Variants in NFX1 observed in about 807,000 individuals in gnomAD.
NFX1 encodes the protein transcriptional repressor NF-X1.
NFX1 carries 69 observed loss-of-function variants against 137.2 expected under a neutral mutation model. That is an observed-to-expected ratio of 0.50 (90% CI 0.41 to 0.61). The LOEUF (loss-of-function observed/expected upper bound fraction) is 0.61. Among genes scored for constraint, NFX1 ranks in the 20% least tolerant of loss-of-function variants. The pLI is 0.00. For synonymous variants in NFX1, 495 were observed against 474.1 expected (o/e 1.04, Z -0.57); for missense variants, 1,167 against 1,391.0 (o/e 0.84, Z 2.56).
Position 33,369,946 on chromosome 9 carries a change from C to G in NFX1, c.3331C>G (p.Pro1111Ala). ...SSNLQKITKE[P>A]IIDYFDVQD is the part of the protein sequence containing the mutation. ...TAATTTACAGAAAATAACCAAGGAG[C>G]CAATAATTGACTATTTTGACGTCCA... The change falls in exon 24 of 24, where the codon CCA (proline) becomes GCA (alanine). Residue 1111 changes from proline to alanine, a missense_variant. Coordinates refer to ENST00000379540, the MANE Select transcript of NFX1 (RefSeq NM_002504.6). 6.2e-7 allele frequency: 1 copy of G among 1,613,332 alleles called. No individual in the cohort carries two copies. The highest frequency in any genetic ancestry group is 8.5e-7 in the Non-Finnish European group (1 of 1,179,454).
chr9:33,295,310 T>A lies in NFX1; in HGVS notation c.916T>A (p.Ser306Thr), dbSNP rs1821314537. The A allele has an allele frequency of 6.2e-7, 1 of 1,614,084 alleles. No homozygotes were observed. Among genetic ancestry groups the A allele is most frequent in the Non-Finnish European group, 8.5e-7 (1 of 1,180,018 alleles). Reference protein sequence around the residue: ...DSENLAVINKSSRRVDQEKCT... With the variant: ...DSENLAVINKTSRRVDQEKCT... ...TGAGAACTTGGCAGTCATCAACAAG[T>A]CTTCCAGGAGGGTTGACCAAGAGAA... Residue 306 changes from serine (S) to threonine (T), a missense_variant, in exon 2 of 24, where the codon TCT (serine) becomes ACT (threonine). Ser to Thr is a moderately conservative substitution (Grantham distance 58). This residue lies in a region of NFX1 where 367 missense variants were observed against 386.7 expected (regional missense o/e 0.95). Coordinates refer to ENST00000379540, the MANE Select transcript of NFX1 (RefSeq NM_002504.6).
chr9:33,317,440 G>GAAAGA (rs780936274), intron 7 of NFX1, among the ~76,000 whole-genome samples: 9 of 128,360 alleles, frequency 7.0e-5, no homozygotes, highest in South Asian at 4.9e-4. Flanking sequence ...AAAAAAGAAA[G>GAAAGA]AAAGAAAAGA....
intron 9 of NFX1, among the ~76,000 whole-genome samples, chr9:33,324,644 T>G (rs1386735532): frequency 6.6e-6 from 1 of 151,908 alleles, no homozygotes; most frequent in Admixed American, 6.6e-5. Context: ...TGAAAGAGAT[T>G]TGGTCAGGCA....
chr9:33,364,525 A>G (rs971336302), intron 20 of NFX1, among the ~76,000 whole-genome samples, 183 bp from the exon 21 acceptor site: 1 of 151,850 alleles, frequency 6.6e-6, no homozygotes, highest in African/African-American at 2.4e-5. Context: ...TCATCTTCTC[A>G]TTTCTTATAT....
intron 19 of NFX1, among the ~76,000 whole-genome samples, chr9:33,362,410 C>T (rs1001556511): frequency 2.0e-5 from 3 of 151,908 alleles, no homozygotes; most frequent in African/African-American, 7.3e-5. Flanking sequence ...GGTATATATA[C>T]AGAATGAAAT....
chr9:33,346,206 G>C (rs10971474), intron 14 of NFX1, among the ~76,000 whole-genome samples: 7,081 of 152,212 alleles, frequency 0.047, 481 homozygotes, highest in African/African-American at 0.15. Context: ...AGTCCCCACC[G>C]ATTGCCTCCT....
rs77577339 is a variant in NFX1, at chr9:33,304,240, C to T, written c.1270+972C>T. 5.8e-3 allele frequency among the ~76,000 whole-genome samples: 884 copies of T among 152,126 alleles called. 9 individuals carry two copies. The highest frequency in any genetic ancestry group is 0.017 in the African/African-American group (718 of 41,476). On this transcript the variant is annotated intron_variant, in intron 4 of 23. Transcript: ENST00000379540. ...TCATGCCATTGCACTCCAGCCTGGG[C>T]GACAGAGTGAGACTCCATCTCAAAA...
At chr9:33,353,012 G>T in intron 17 of NFX1, 1 of 309,510 alleles carries the variant, frequency 3.2e-6, no homozygotes, top group Non-Finnish European at 6.0e-6. Context: ...CAAAGTGCTG[G>T]GATCACAGGC....
intron 10 of NFX1, among the ~76,000 whole-genome samples, chr9:33,330,436 T>C (rs1297449651): frequency 6.6e-6 from 1 of 152,210 alleles, no homozygotes; most frequent in Non-Finnish European, 1.5e-5. Context: ...ATGGGTTTTT[T>C]CCTGAAAGAA....
chr9:33,368,091 C>T (rs1307759073), intron 23 of NFX1, among the ~76,000 whole-genome samples: 7 of 152,208 alleles, frequency 4.6e-5, no homozygotes, highest in East Asian at 1.9e-4. Flanking sequence ...AAAAAGTAGC[C>T]GGGTGTGGTG....
chr9:33,292,574 G>A (rs1468990393), intron 1 of NFX1, among the ~76,000 whole-genome samples: 1 of 152,170 alleles, frequency 6.6e-6, no homozygotes, highest in African/African-American at 2.4e-5. Flanking sequence ...AATAAAAATG[G>A]TGCCTCTGAT....
intron 18 of NFX1, 34 bp from the exon 19 acceptor site, chr9:33,354,815 ATT>A (rs764434349): frequency 6.3e-7 from 1 of 1,598,840 alleles, no homozygotes; most frequent in Admixed American, 1.7e-5. Context: ...TACAGTCTGT[ATT>A]CTGACTTTAA....
chr9:33,346,394 G>A (rs1564138128), intron 14 of NFX1, among the ~76,000 whole-genome samples: 1 of 152,218 alleles, frequency 6.6e-6, no homozygotes, highest in Non-Finnish European at 1.5e-5. Context: ...CAGAGGAAGA[G>A]AAAAATACCC....
In NFX1 at chr9:33,351,760, A is replaced by G. The variant is rs966254284; in HGVS notation, c.2625A>G (p.Ser875=). 1.9e-6 allele frequency: 3 copies of G among 1,600,090 alleles called. No homozygotes were observed. The South Asian group carries it at 3.4e-5, about 18-fold the overall frequency. ...HPCMAPCHTS[S]PCPVTACKAK... is the part of the protein sequence containing the mutation. ...GTATGGCACCCTGCCATACCAGCTC[A>G]CCCTGCCCTGTGACTGCTTGTAAAG... The change falls in exon 16 of 24, where the codon TCA becomes TCG. Residue 875 remains serine (S), a synonymous_variant. Coordinates refer to ENST00000379540, the MANE Select transcript of NFX1 (RefSeq NM_002504.6).
At chr9:33,344,844 G>A (rs1056140083) in intron 14 of NFX1, among the ~76,000 whole-genome samples, 2 of 146,822 alleles carry the variant, frequency 1.4e-5, no homozygotes, top group East Asian at 2.1e-4. Flanking sequence ...CCAGCCTGGC[G>A]ACAGACCAAG....
chr9:33,342,310 A>G (rs1470296513), intron 12 of NFX1, among the ~76,000 whole-genome samples: 1 of 151,766 alleles, frequency 6.6e-6, no homozygotes, highest in African/African-American at 2.4e-5. Flanking sequence ...AAATACAAAA[A>G]AATTAGCCAG....
intron 20 of NFX1, 33 bp downstream of exon 20, chr9:33,364,141 G>T: frequency 6.7e-7 from 1 of 1,481,766 alleles, no homozygotes; most frequent in East Asian, 2.3e-5. Flanking sequence ...TCTTAATTGT[G>T]GCTTGTCAGG....
intron 7 of NFX1, among the ~76,000 whole-genome samples, chr9:33,314,570 G>A (rs1421756278): frequency 3.9e-5 from 6 of 151,918 alleles, no homozygotes; most frequent in Non-Finnish European, 7.4e-5. Context: ...CCAGCTATTC[G>A]GGAGGCTGAA....
At chr9:33,360,072 TAGGAACCGTCA>T (rs1205331445) in intron 19 of NFX1, among the ~76,000 whole-genome samples, 1 of 152,214 alleles carries the variant, frequency 6.6e-6, no homozygotes, top group East Asian at 1.9e-4. Flanking sequence ...CCTTGCCCTT[TAGGAACCGTCA>T]GTCAGTGTTC....
Sources: allele counts gnomAD v4.1 joint callset (sites outside exome capture counted in the v4.1 genomes callset), GRCh38; gene constraint gnomAD v4.1.1; regional missense constraint gnomAD v4.1.1; transcripts MANE v1.5; gene names NCBI Gene and HGNC (gene_info 2026-07-23, HGNC 2026-07-21).